AGBL4: variants seen among roughly 807,000 people sequenced by gnomAD.
AGBL4 encodes the protein AGBL carboxypeptidase 4, also known as cytosolic carboxypeptidase 6.
Under a neutral mutation model 66.4 loss-of-function variants are expected in AGBL4, and 58 were observed. That is an observed-to-expected ratio of 0.87 (90% CI 0.71 to 1.09). AGBL4 has a LOEUF of 1.09. AGBL4 is among the 50% of genes least tolerant of loss of function. AGBL4 has a pLI of 0.00. For missense variants in AGBL4, 579 were observed against 631.0 expected, an observed-to-expected ratio of 0.92 and a Z score of 0.88; for synonymous variants, 234 against 222.9, an observed-to-expected ratio of 1.05 and a Z score of -0.44.
At chr1:49,028,782 C>A (rs1328632495) in intron 5 of AGBL4, among the ~76,000 whole-genome samples, 2 of 152,140 alleles carry the variant, frequency 1.3e-5, no homozygotes, top group African/African-American at 2.4e-5. Context: ...ATATCAATAT[C>A]TCTTGTGAAT....
At chr1:48,998,128 C>T (rs1033872237) in intron 5 of AGBL4, among the ~76,000 whole-genome samples, 10 of 152,240 alleles carry the variant, frequency 6.6e-5, no homozygotes, top group African/African-American at 2.4e-4. Context: ...GCAATTTCAT[C>T]GATTATCCCT....
intron 1 of AGBL4, among the ~76,000 whole-genome samples, chr1:50,018,962 C>CT: frequency 6.6e-6 from 1 of 152,168 alleles, no homozygotes; most frequent in Admixed American, 6.5e-5. Flanking sequence ...AAATATCTAA[C>CT]TTTAGCACCA....
At chr1:49,752,418 G>A (rs938965323) in intron 2 of AGBL4, among the ~76,000 whole-genome samples, 3 of 152,132 alleles carry the variant, frequency 2.0e-5, no homozygotes, top group Non-Finnish European at 4.4e-5. Context: ...GTTCCAATTT[G>A]ATTGCACTGT....
At chr1:49,437,145 G>C (rs114469339) in intron 3 of AGBL4, among the ~76,000 whole-genome samples, 6 of 152,054 alleles carry the variant, frequency 3.9e-5, no homozygotes. Context: ...AGGACAGCCC[G>C]GGTCAGAGAA....
At chr1:49,211,692 CAG>C (rs1204711804) in intron 4 of AGBL4, among the ~76,000 whole-genome samples, 1 of 152,060 alleles carries the variant, frequency 6.6e-6, no homozygotes, top group Non-Finnish European at 1.5e-5. Context: ...GTAGGGCAGA[CAG>C]ACAAGTAGGT....
intron 4 of AGBL4, among the ~76,000 whole-genome samples, chr1:49,238,864 A>G (rs1317256556): frequency 6.6e-6 from 1 of 152,148 alleles, no homozygotes; most frequent in Non-Finnish European, 1.5e-5. Context: ...ATTTTGGCAT[A>G]CATGTGGCAA....
At chr1:48,676,059 G>T (rs1166063029) in intron 6 of AGBL4, among the ~76,000 whole-genome samples, 2 of 152,174 alleles carry the variant, frequency 1.3e-5, no homozygotes, top group East Asian at 1.9e-4. Context: ...TCTACCTCAG[G>T]TTATACCTGG....
chr1:50,001,354 G>GA (rs1056569131), intron 1 of AGBL4, among the ~76,000 whole-genome samples: 7 of 149,758 alleles, frequency 4.7e-5, no homozygotes, highest in Non-Finnish European at 7.4e-5. Context: ...AAAGTAGAAG[G>GA]AAAAAAAACA....
At chr1:48,743,225 G>T (rs1650205177) in intron 6 of AGBL4, among the ~76,000 whole-genome samples, 1 of 152,174 alleles carries the variant, frequency 6.6e-6, no homozygotes, top group South Asian at 2.1e-4. Context: ...AAATGTTAAG[G>T]CCTCCCCCTC....
chr1:48,889,615 A>C (rs1255543359), intron 5 of AGBL4, among the ~76,000 whole-genome samples: 1 of 152,206 alleles, frequency 6.6e-6, no homozygotes, highest in Non-Finnish European at 1.5e-5. Flanking sequence ...GAAGGGAGTT[A>C]GTGGGAAGTT....
intron 3 of AGBL4, among the ~76,000 whole-genome samples, chr1:49,411,560 G>A (rs1645315212): frequency 6.6e-6 from 1 of 152,112 alleles, no homozygotes; most frequent in Admixed American, 6.6e-5. Flanking sequence ...AGATGACACA[G>A]TATGTATAAA....
intron 2 of AGBL4, among the ~76,000 whole-genome samples, chr1:49,808,615 G>C (rs6685462): frequency 0.61 from 92,627 of 151,898 alleles, 28,886 homozygotes; most frequent in Non-Finnish European, 0.67. Context: ...ATAATTTAAC[G>C]AATGAATTAT....
At chr1:49,374,915 A>C (rs986119811) in intron 3 of AGBL4, among the ~76,000 whole-genome samples, 7 of 152,170 alleles carry the variant, frequency 4.6e-5, no homozygotes, top group African/African-American at 1.7e-4. Context: ...CTATAAGATC[A>C]AGTTTACACT....
chr1:48,656,401 C>T lies in AGBL4; in HGVS notation c.725-2950G>A, dbSNP rs1374832316. ...GTGGGATTAGTTGAACTGATCATTG[C>T]TCATTCTACAAACATTCATTGGCAC... On this transcript the variant is annotated intron_variant, in intron 7 of 13. Transcript: ENST00000371839. Among the ~76,000 whole-genome samples the T allele has an allele frequency of 3.3e-5, 5 of 152,210 alleles. No homozygotes were observed. The East Asian group carries it at 7.7e-4, about 23-fold the overall frequency.
intron 5 of AGBL4, among the ~76,000 whole-genome samples, chr1:48,941,883 A>G (rs139691396): frequency 1.3e-5 from 2 of 152,342 alleles, no homozygotes; most frequent in African/African-American, 2.4e-5. Context: ...AGCTGTTTGT[A>G]TCATACAAAG....
At chr1:49,280,496 C>T (rs2148403135) in intron 3 of AGBL4, among the ~76,000 whole-genome samples, 1 of 152,228 alleles carries the variant, frequency 6.6e-6, no homozygotes, top group Middle Eastern at 3.4e-3. Flanking sequence ...ATGGGTCCCA[C>T]TAGAAATAAA....
intron 4 of AGBL4, among the ~76,000 whole-genome samples, chr1:49,153,219 T>A (rs1646371729): frequency 1.3e-5 from 2 of 152,104 alleles, no homozygotes; most frequent in African/African-American, 2.4e-5. Context: ...AGGGAGGCAT[T>A]TTTGATCTCC....
intron 6 of AGBL4, among the ~76,000 whole-genome samples, chr1:48,833,538 T>C (rs1245464559): frequency 6.6e-6 from 1 of 152,152 alleles, no homozygotes; most frequent in Non-Finnish European, 1.5e-5. Context: ...ATTTGGAAAA[T>C]TCTCAATTTA....
chr1:49,450,117 G>A (rs183764729), intron 3 of AGBL4, among the ~76,000 whole-genome samples: 1 of 152,110 alleles, frequency 6.6e-6, no homozygotes, highest in Non-Finnish European at 1.5e-5. Context: ...ATGTAAAAAT[G>A]TTTCTTTATC....
Sources: allele counts gnomAD v4.1 joint callset (sites outside exome capture counted in the v4.1 genomes callset), GRCh38; gene constraint gnomAD v4.1.1; transcripts MANE v1.5; gene names NCBI Gene and HGNC (gene_info 2026-07-23, HGNC 2026-07-21).